The following KCNK12 variants were observed in gnomAD, a reference collection of about 807,000 sequenced individuals.
KCNK12 encodes the protein potassium channel subfamily K member 12.
In KCNK12, 6 loss-of-function variants were observed where a neutral mutation model predicts 25.3. The observed-to-expected ratio is 0.24, with a 90% CI of 0.13 to 0.47. The LOEUF (loss-of-function observed/expected upper bound fraction) is 0.47, where lower values mean the gene tolerates loss of function less well. Among genes scored for constraint, KCNK12 ranks in the 20% least tolerant of loss-of-function variants. The pLI is 0.99. For synonymous variants in KCNK12, 331 were observed against 311.1 expected (o/e 1.06, Z -0.67); for missense variants, 444 against 661.7 (o/e 0.67, Z 3.61).
chr2:47,549,314 A>G (rs907880648), intron 1 of KCNK12, among the ~76,000 whole-genome samples: 1 of 152,178 alleles, frequency 6.6e-6, no homozygotes, highest in African/African-American at 2.4e-5. Flanking sequence ...GGAAAATATC[A>G]ACTGATCTAT....
intron 1 of KCNK12, among the ~76,000 whole-genome samples, chr2:47,554,645 A>G (rs1296219961): frequency 1.3e-5 from 2 of 152,182 alleles, no homozygotes; most frequent in African/African-American, 2.4e-5. Flanking sequence ...CATGGTGAAG[A>G]GTCAGATTTT....
chr2:47,554,537 G>A (rs769777464), intron 1 of KCNK12, among the ~76,000 whole-genome samples: 1 of 152,168 alleles, frequency 6.6e-6, no homozygotes, highest in African/African-American at 2.4e-5. Flanking sequence ...GTCTGATCTG[G>A]GTAAGTCCAG....
intron 1 of KCNK12, chr2:47,564,163 C>T (rs1451932707): frequency 4.3e-6 from 1 of 231,672 alleles, no homozygotes; most frequent in African/African-American, 2.2e-5. Context: ...TGGAGAAAAC[C>T]AAGTGGATGT....
Position 47,521,695 on chromosome 2 carries a change from T to G in KCNK12, c.505A>C (p.Ile169Leu). Reference protein sequence around the residue: ...LFFNLFLERIISLLAFIMRAC... With the variant: ...LFFNLFLERILSLLAFIMRAC... ...CGCATGATGAAGGCCAGCAGCGAGA[T>G]GATGCGCTCCAGGAAGAGGTTGAAG... The change falls in exon 2 of 2, where the codon ATC becomes CTC. Residue 169 changes from isoleucine to leucine, a missense_variant. Ile to Leu is a conservative substitution (Grantham distance 5, BLOSUM62 2). This residue lies in a region of KCNK12 where 44 missense variants were observed against 100.7 expected (regional missense o/e 0.44). Transcript: ENST00000327876. 6.2e-7 allele frequency: 1 copy of G among 1,603,356 alleles called. No homozygotes were observed. Among genetic ancestry groups the G allele is most frequent in the Non-Finnish European group, 8.5e-7 (1 of 1,176,404 alleles).
chr2:47,528,627 T>G lies in KCNK12; in HGVS notation c.392-6819A>C, dbSNP rs1320372426. 3.3e-5 allele frequency among the ~76,000 whole-genome samples: 5 copies of G among 152,110 alleles called. No homozygotes were observed. Among genetic ancestry groups the G allele is most frequent in the Non-Finnish European group, 7.4e-5 (5 of 68,020 alleles). ...AATCACACCCTGCAGAGGCGTGATC[T>G]GTCCCTGGGTTCGCACCAAGCCTGC... On this transcript the variant is annotated intron_variant, in intron 1 of 1. Transcript: ENST00000327876. This position sits in a 1 kb window ranked among gnomAD's most constrained non-coding sequence, Gnocchi z 4.5.
rs181481914 is a variant in KCNK12 at position 47,515,695 on chromosome 2, A to G, written c.*5212T>C. On this transcript the variant is annotated 3_prime_UTR_variant, in exon 2 of 2. Transcript: ENST00000327876. ...GGGGCCAGTGTGAGCCTGATGGTCA[A>G]TTACTTCTCATTTCTAGGGAAAATT... Among the ~76,000 whole-genome samples the G allele has an allele frequency of 1.5e-3, 227 of 152,274 alleles. No homozygotes were observed. The Middle Eastern group carries it at 0.044, about 30-fold the overall frequency.
rs1045272431 is a variant in KCNK12 at position 47,547,197 on chromosome 2, C to T, written c.391+22744G>A. 2.6e-5 allele frequency among the ~76,000 whole-genome samples: 4 copies of T among 152,310 alleles called. No homozygotes were observed. The highest frequency in any genetic ancestry group is 1.3e-4 in the Admixed American group (2 of 15,300). ...GCCTCCTTCATCTTCAAGGGCACTGCGGCTCAATCTTCAGATCTCTTCTTT... is the reference window on the plus strand; with the variant it reads ...GCCTCCTTCATCTTCAAGGGCACTGTGGCTCAATCTTCAGATCTCTTCTTT... On this transcript the variant is annotated intron_variant, in intron 1 of 1. Coordinates refer to ENST00000327876, the MANE Select transcript of KCNK12 (RefSeq NM_022055.2). This position sits in a 1 kb window ranked among gnomAD's most constrained non-coding sequence, Gnocchi z 5.0.
rs536889595 is a variant in KCNK12 at position 47,551,681 on chromosome 2, A to G, written c.391+18260T>C. The stretch of plus-strand genomic sequence containing the variant: ...AGTATTACCCCCTACCCCACACGGC[A>G]CCATATTTTTCTGGAGCTCTCCAGT... On this transcript the variant is annotated intron_variant, in intron 1 of 1. Transcript: ENST00000327876. This position sits in a 1 kb window ranked among gnomAD's most constrained non-coding sequence, Gnocchi z 5.3. Among the ~76,000 whole-genome samples, 1 of 152,326 alleles carries G rather than the reference A, an allele frequency of 6.6e-6. No homozygotes were observed. The highest frequency in any genetic ancestry group is 1.9e-4 in the East Asian group (1 of 5,186).
rs149244821 is a variant in KCNK12 at position 47,548,035 on chromosome 2, G to A, written c.391+21906C>T. 6.6e-6 allele frequency among the ~76,000 whole-genome samples: 1 copy of A among 152,214 alleles called. No individual in the cohort carries two copies. Among genetic ancestry groups the A allele is most frequent in the Non-Finnish European group, 1.5e-5 (1 of 68,000 alleles). On this transcript the variant is annotated intron_variant, in intron 1 of 1. Transcript: ENST00000327876. The surrounding 1 kb of genome is among the most constrained non-coding windows in gnomAD (Gnocchi z 4.4). ...AGATCTGGTTGTTTAAAAGTGTGTAGCACCTTCCCCTTTGCTCTCTTCCTC... is the reference window on the plus strand; with the variant it reads ...AGATCTGGTTGTTTAAAAGTGTGTAACACCTTCCCCTTTGCTCTCTTCCTC...
At chr2:47,532,834 T>G (rs1363059215) in intron 1 of KCNK12, among the ~76,000 whole-genome samples, 1 of 152,140 alleles carries the variant, frequency 6.6e-6, no homozygotes, top group East Asian at 1.9e-4. Context: ...TCAGCAAGTC[T>G]TAACTCCTGC....
chr2:47,549,938 A>G (rs1669391366), intron 1 of KCNK12, among the ~76,000 whole-genome samples: 1 of 152,128 alleles, frequency 6.6e-6, no homozygotes, highest in African/African-American at 2.4e-5. Context: ...CACCTCGAAA[A>G]AAAAAAAAAG....
Sources: allele counts gnomAD v4.1 joint callset (sites outside exome capture counted in the v4.1 genomes callset), GRCh38; gene constraint gnomAD v4.1.1; regional missense constraint gnomAD v4.1.1; non-coding constraint Gnocchi (gnomAD v3.1); transcripts MANE v1.5; gene names NCBI Gene and HGNC (gene_info 2026-07-23, HGNC 2026-07-21).